The following BMPR2 variants were observed in gnomAD, a reference collection of about 807,000 sequenced individuals.
The protein encoded by BMPR2 is bone morphogenetic protein receptor type-2.
In BMPR2, 29 loss-of-function variants were observed where a neutral mutation model predicts 100.8. The ratio of observed to expected loss-of-function variants is 0.29; its 90% confidence interval spans 0.21 to 0.39. The LOEUF (loss-of-function observed/expected upper bound fraction) is 0.39, where lower values mean the gene tolerates loss of function less well. Among genes scored for constraint, BMPR2 ranks in the 10% least tolerant of loss-of-function variants. BMPR2 has a pLI of 1.00. For synonymous variants in BMPR2, 382 were observed against 442.3 expected, an observed-to-expected ratio of 0.86 and a Z score of 1.71; for missense variants, 1,011 against 1,274.5, an observed-to-expected ratio of 0.79 and a Z score of 3.15.
At position 202,561,674 on chromosome 2, in the gene BMPR2, C is replaced by T. The variant is rs1479862492; in HGVS notation, c.*1728C>T. ...CCAAATTTCTGATTTATGTTTTTATCTCCTGAACAATATTTTCTCACTCAT... is the reference window on the plus strand; with the variant it reads ...CCAAATTTCTGATTTATGTTTTTATTTCCTGAACAATATTTTCTCACTCAT... On this transcript the variant is annotated 3_prime_UTR_variant, in exon 13 of 13. Transcript: ENST00000374580. 6.6e-6 allele frequency: 1 copy of T among 151,996 alleles called. No homozygotes were observed. Among genetic ancestry groups the T allele is most frequent in the East Asian group, 1.9e-4 (1 of 5,200 alleles). The allele number at this position is 151,996 out of a possible 1,614,324, so 9.4% of individuals were successfully genotyped here. A position where few individuals can be genotyped will look rare whatever the true frequency, so the allele number is the denominator to read the frequency against.
At chr2:202,489,692 TTAG>T (rs1396007942) in intron 3 of BMPR2, among the ~76,000 whole-genome samples, 4 of 152,214 alleles carry the variant, frequency 2.6e-5, no homozygotes, top group African/African-American at 4.8e-5. Context: ...CATTTTATAG[TTAG>T]TAGTGGGATT....
intron 1 of BMPR2, among the ~76,000 whole-genome samples, chr2:202,378,107 A>G (rs1690190482): frequency 6.6e-6 from 1 of 152,204 alleles, no homozygotes. Context: ...GATTCTTGAT[A>G]TATTGTATTA....
At chr2:202,535,399 C>A (rs1410027633) in intron 9 of BMPR2, among the ~76,000 whole-genome samples, 2 of 151,600 alleles carry the variant, frequency 1.3e-5, no homozygotes, top group Non-Finnish European at 2.9e-5. Context: ...CTCCTCACCT[C>A]CCAGACGGGG....
chr2:202,483,917 C>T (rs1232237439), intron 3 of BMPR2, among the ~76,000 whole-genome samples: 1 of 152,050 alleles, frequency 6.6e-6, no homozygotes, highest in Non-Finnish European at 1.5e-5. Flanking sequence ...TATAGTGAGA[C>T]CTTGTCTCTG....
intron 10 of BMPR2, among the ~76,000 whole-genome samples, chr2:202,550,036 A>G (rs1181305124): frequency 2.0e-5 from 3 of 151,990 alleles, no homozygotes; most frequent in Non-Finnish European, 2.9e-5. Flanking sequence ...CTCCTGAGTA[A>G]CTGGGACCAC....
In BMPR2 at chr2:202,517,335, C is replaced by CTT. The variant is rs527237940; in HGVS notation, c.622-1471_622-1470dup. 3.9e-3 allele frequency among the ~76,000 whole-genome samples: 528 copies of CTT among 135,368 alleles called. 3 individuals are homozygous for CTT. Among genetic ancestry groups the CTT allele is most frequent in the Non-Finnish European group, 6.5e-3 (407 of 62,832 alleles). 88.8% of individuals were successfully genotyped at this position (135,368 alleles called of 152,430 possible). A position where few individuals can be genotyped will look rare whatever the true frequency, so the allele number is the denominator to read the frequency against. The stretch of plus-strand genomic sequence containing the variant: ...TCAAATCTCAGTTCAGTTATTTTAT[C>CTT]TTTTTTTTTTTTTTTTTACTCTGTC... On this transcript the variant is annotated intron_variant, in intron 5 of 12. Coordinates refer to ENST00000374580, the MANE Select transcript of BMPR2 (RefSeq NM_001204.7).
Position 202,385,361 on chromosome 2 carries a change from C to CTTTTTTTTTTTT in BMPR2, c.76+7822_76+7833dup, listed in dbSNP as rs1161944548. Among the ~76,000 whole-genome samples the CTTTTTTTTTTTT allele has an allele frequency of 4.9e-4, 42 of 86,320 alleles. 1 individual carries two copies. The highest frequency in any genetic ancestry group is 7.5e-4 in the Non-Finnish European group (34 of 45,594). The allele number at this position is 86,320 out of a possible 152,430, so 56.6% of individuals were successfully genotyped here. A position where few individuals can be genotyped will look rare whatever the true frequency, so the allele number is the denominator to read the frequency against. On this transcript the variant is annotated intron_variant, in intron 1 of 12. Transcript: ENST00000374580. ...TTTTCTTCTAATTAAAAAAAAGATGCTTTTTTTTTTTTTTTTTTTTTTGAG... is the reference window on the plus strand; with the variant it reads ...TTTTCTTCTAATTAAAAAAAAGATGCTTTTTTTTTTTTTTTTTTTTTTTTTTTTTTTTTTGAG...
At chr2:202,462,698 TTTTG>T (rs1692247650) in intron 1 of BMPR2, among the ~76,000 whole-genome samples, 1 of 151,902 alleles carries the variant, frequency 6.6e-6, no homozygotes, top group South Asian at 2.1e-4. Context: ...TGGTTTTGTT[TTTTG>T]TTGTTGTTGT....
At chr2:202,475,367 C>T (rs988851715) in intron 3 of BMPR2, among the ~76,000 whole-genome samples, 1 of 152,046 alleles carries the variant, frequency 6.6e-6, no homozygotes, top group Non-Finnish European at 1.5e-5. Context: ...ACTAGTGTAA[C>T]ATCTCACGTA....
intron 3 of BMPR2, among the ~76,000 whole-genome samples, chr2:202,477,564 C>T (rs972009153): frequency 1.1e-4 from 17 of 152,142 alleles, no homozygotes; most frequent in Non-Finnish European, 7.4e-5. Flanking sequence ...CCAAGGCGGG[C>T]GGATCACAAG....
At chr2:202,486,337 T>C (rs981576205) in intron 3 of BMPR2, among the ~76,000 whole-genome samples, 1 of 152,052 alleles carries the variant, frequency 6.6e-6, no homozygotes, top group Non-Finnish European at 1.5e-5. Context: ...AATAGCAAAA[T>C]AATGAGACAG....
Position 202,532,542 on chromosome 2 carries a change from A to G in BMPR2, c.1129-43A>G, listed in dbSNP as rs1181710928. On this transcript the variant is annotated intron_variant, in intron 8 of 12. Coordinates refer to ENST00000374580, the MANE Select transcript of BMPR2 (RefSeq NM_001204.7). This position sits in a 1 kb window ranked among gnomAD's most constrained non-coding sequence, Gnocchi z 4.1. ...TGGTCTAATGTCTGTTCTTCAGAAT[A>G]TGCTACGTTCTCTCTCTAAAAAATA... 1 of 1,600,688 alleles carries G rather than the reference A, an allele frequency of 6.2e-7. No individual in the cohort carries two copies. Among genetic ancestry groups the G allele is most frequent in the South Asian group, 1.1e-5 (1 of 90,728 alleles).
intron 1 of BMPR2, among the ~76,000 whole-genome samples, chr2:202,426,471 C>T (rs1691387136): frequency 6.7e-6 from 1 of 148,846 alleles, no homozygotes. Flanking sequence ...ATCCCAGGTA[C>T]TCAGGAGGAA....
At chr2:202,525,095 T>G (rs972894335) in intron 7 of BMPR2, among the ~76,000 whole-genome samples, 1 of 152,224 alleles carries the variant, frequency 6.6e-6, no homozygotes, top group African/African-American at 2.4e-5. Flanking sequence ...TATATTATAT[T>G]TTCCTTGTAT....
intron 1 of BMPR2, among the ~76,000 whole-genome samples, chr2:202,417,633 T>C (rs1691162133): frequency 6.6e-6 from 1 of 151,964 alleles, no homozygotes; most frequent in African/African-American, 2.4e-5. Context: ...TTAAGGAATG[T>C]ACATTACGTT....
chr2:202,526,607 T>C (rs1687916306), intron 7 of BMPR2, among the ~76,000 whole-genome samples: 1 of 152,248 alleles, frequency 6.6e-6, no homozygotes, highest in Non-Finnish European at 1.5e-5. Context: ...TTCAATATTA[T>C]ACTGCCTTTA....
Position 202,460,179 on chromosome 2 carries a change from G to C in BMPR2, c.77-4630G>C, listed in dbSNP as rs539033014. On this transcript the variant is annotated intron_variant, in intron 1 of 12. Transcript: ENST00000374580. ...GTTGGTGGGAGTCTAAATTAATTCA[G>C]CCATTTTGGACACATGCACGTGTAT... Among the ~76,000 whole-genome samples the C allele has an allele frequency of 2.0e-5, 3 of 152,248 alleles. No individual in the cohort carries two copies. The East Asian group carries it at 5.8e-4, about 29-fold the overall frequency.
chr2:202,396,501 T>C (rs1292989622), intron 1 of BMPR2, among the ~76,000 whole-genome samples: 2 of 152,220 alleles, frequency 1.3e-5, no homozygotes, highest in African/African-American at 4.8e-5. Context: ...GGTAGATTCT[T>C]CTCACTATTT....
At chr2:202,393,766 C>T (rs1402075967) in intron 1 of BMPR2, among the ~76,000 whole-genome samples, 4 of 151,912 alleles carry the variant, frequency 2.6e-5, no homozygotes, top group Non-Finnish European at 5.9e-5. Context: ...CATTTATCAC[C>T]TGTAAGTTAG....
Sources: allele counts gnomAD v4.1 joint callset (sites outside exome capture counted in the v4.1 genomes callset), GRCh38; gene constraint gnomAD v4.1.1; non-coding constraint Gnocchi (gnomAD v3.1); transcripts MANE v1.5; gene names NCBI Gene and HGNC (gene_info 2026-07-23, HGNC 2026-07-21).